TIAM1: variants seen among roughly 807,000 people sequenced by gnomAD.
TIAM1 encodes rho guanine nucleotide exchange factor TIAM1.
A neutral mutation model predicts 163.5 loss-of-function variants in TIAM1; 65 were observed. The ratio of observed to expected loss-of-function variants is 0.40; its 90% CI spans 0.33 to 0.49. The LOEUF (loss-of-function observed/expected upper bound fraction) is 0.49. Among genes scored for constraint, TIAM1 ranks in the 20% least tolerant of loss-of-function variants. TIAM1 has a pLI of 0.77. For missense variants in TIAM1, 1,789 were observed against 2,044.7 expected (o/e 0.87, Z 2.41); for synonymous variants, 833 against 810.1 (o/e 1.03, Z -0.48).
intron 4 of TIAM1, among the ~76,000 whole-genome samples, chr21:31,252,999 C>G (rs1449754198): frequency 6.6e-6 from 1 of 152,246 alleles, no homozygotes; most frequent in Non-Finnish European, 1.5e-5. Context: ...GGTATCAGTT[C>G]CCAGTTTAAA....
At chr21:31,361,824 TGAGG>T (rs963740016) in intron 2 of TIAM1, among the ~76,000 whole-genome samples, 2 of 142,120 alleles carry the variant, frequency 1.4e-5, no homozygotes, top group African/African-American at 5.3e-5. Flanking sequence ...TAGATTCCTT[TGAGG>T]AAGAAAGATT....
At chr21:31,400,588 A>G (rs2147217411) in intron 2 of TIAM1, among the ~76,000 whole-genome samples, 1 of 152,320 alleles carries the variant, frequency 6.6e-6, no homozygotes, top group Non-Finnish European at 1.5e-5. Flanking sequence ...AATCCTCTCA[A>G]CGACATGATG....
chr21:31,408,400 T>C (rs2077286402), intron 2 of TIAM1, among the ~76,000 whole-genome samples: 1 of 152,156 alleles, frequency 6.6e-6, no homozygotes, highest in Non-Finnish European at 1.5e-5. Flanking sequence ...GCCCTTGAAT[T>C]CTCTTCTTTT....
intron 2 of TIAM1, among the ~76,000 whole-genome samples, chr21:31,463,807 G>A (rs1274824030): frequency 2.6e-5 from 3 of 117,544 alleles, no homozygotes; most frequent in African/African-American, 1.1e-4. Context: ...CTAAGGCTCC[G>A]TCTCCAAAAA....
At chr21:31,185,592 T>C (rs1488245018) in intron 14 of TIAM1, among the ~76,000 whole-genome samples, 2 of 144,178 alleles carry the variant, frequency 1.4e-5, no homozygotes, top group African/African-American at 5.1e-5. Context: ...TAATATATTA[T>C]ATATCATATA....
intron 20 of TIAM1, among the ~76,000 whole-genome samples, chr21:31,143,156 A>G (rs1025221034): frequency 6.6e-6 from 1 of 151,948 alleles, no homozygotes; most frequent in Non-Finnish European, 1.5e-5. Flanking sequence ...TCGCCCAGTC[A>G]CCTCTCCATT....
chr21:31,320,464 T>A (rs1569215170), intron 2 of TIAM1, among the ~76,000 whole-genome samples: 1 of 152,122 alleles, frequency 6.6e-6, no homozygotes, highest in African/African-American at 2.4e-5. Flanking sequence ...TGCAAAAAAT[T>A]CACTTTACAC....
chr21:31,135,059 A>G (rs916074586), intron 23 of TIAM1, among the ~76,000 whole-genome samples: 4 of 152,234 alleles, frequency 2.6e-5, no homozygotes. Context: ...CAAGCCCACA[A>G]AAATAATATA....
intron 12 of TIAM1, among the ~76,000 whole-genome samples, chr21:31,196,478 AT>A (rs59358430): frequency 0.015 from 1,939 of 132,796 alleles, 12 homozygotes; most frequent in Non-Finnish European, 0.019. Context: ...CATCTGGCTA[AT>A]TTTTTTTTTT....
chr21:31,491,518 C>T (rs1189009291), intron 1 of TIAM1, among the ~76,000 whole-genome samples: 1 of 152,200 alleles, frequency 6.6e-6, no homozygotes, highest in African/African-American at 2.4e-5. Context: ...TTCACGATGA[C>T]TTCCTGTCGG....
chr21:31,266,829 G>C lies in TIAM1; in HGVS notation c.144C>G (p.Ile48Met). Residue 48 changes from isoleucine (I) to methionine (M), a missense_variant, in exon 4 of 28, where the codon ATC becomes ATG. By Grantham distance (10) the Ile-to-Met change is conservative. Coordinates refer to ENST00000541036, the MANE Select transcript of TIAM1 (RefSeq NM_001353694.2). The part of the protein sequence containing the change: ...RTRHASSGKV[I>M]HRNSEVSTRS... ...GGGTGCTCACTTCGGAGTTCCTGTG[G>C]ATCACCTTCCCCGAGGAAGCGTGCC... is the stretch of plus-strand genomic sequence containing the variant. 2 of 1,614,186 alleles carry C rather than the reference G, an allele frequency of 1.2e-6. No homozygotes were observed. The highest frequency in any genetic ancestry group is 1.7e-6 in the Non-Finnish European group (2 of 1,180,038).
At chr21:31,468,644 C>G (rs768394128) in intron 1 of TIAM1, among the ~76,000 whole-genome samples, 2 of 150,406 alleles carry the variant, frequency 1.3e-5, no homozygotes, top group African/African-American at 4.9e-5. Flanking sequence ...GGCGTGGTGT[C>G]GGGTGCCTGT....
chr21:31,247,147 T>C (rs2071544851), intron 5 of TIAM1, among the ~76,000 whole-genome samples: 1 of 151,820 alleles, frequency 6.6e-6, no homozygotes, highest in Non-Finnish European at 1.5e-5. Context: ...TAGCGAGGCC[T>C]CGTCTCTACT....
chr21:31,502,347 C>T (rs13051950), intron 1 of TIAM1, among the ~76,000 whole-genome samples: 5,319 of 152,228 alleles, frequency 0.035, 129 homozygotes, highest in Non-Finnish European at 0.051. Flanking sequence ...TCTAGGCTCA[C>T]GGCAGCCTCG....
chr21:31,384,892 C>T (rs151289669), intron 2 of TIAM1, among the ~76,000 whole-genome samples: 112 of 152,278 alleles, frequency 7.4e-4, no homozygotes, highest in African/African-American at 2.7e-3. Context: ...AAGCCCATGA[C>T]ATCAGGACTA....
At chr21:31,221,770 T>C (rs777223117) in intron 8 of TIAM1, among the ~76,000 whole-genome samples, 16 of 152,158 alleles carry the variant, frequency 1.1e-4, no homozygotes, top group Non-Finnish European at 2.1e-4. Flanking sequence ...CCTCAATGGA[T>C]GATATTCTGA....
At chr21:31,370,879 C>A (rs1267407642) in intron 2 of TIAM1, among the ~76,000 whole-genome samples, 3 of 152,186 alleles carry the variant, frequency 2.0e-5, no homozygotes, top group Non-Finnish European at 2.9e-5. Flanking sequence ...TAGGCTATAG[C>A]AACAAGCCCC....
chr21:31,480,528 T>C (rs1377703189), intron 1 of TIAM1, among the ~76,000 whole-genome samples: 1 of 152,152 alleles, frequency 6.6e-6, no homozygotes, highest in Non-Finnish European at 1.5e-5. Context: ...GACAGAAGAC[T>C]AGAAATAGCA....
intron 19 of TIAM1, among the ~76,000 whole-genome samples, chr21:31,147,586 C>G (rs2083181235): frequency 6.6e-6 from 1 of 150,802 alleles, no homozygotes; most frequent in Admixed American, 6.6e-5. Context: ...GAGGCCTTCT[C>G]ATTAAGATTT....
Sources: gnomAD v4.1 joint callset for allele counts (sites outside exome capture counted in the v4.1 genomes callset) on GRCh38, gnomAD v4.1.1 for gene constraint, MANE v1.5 for transcripts, NCBI Gene and HGNC (gene_info 2026-07-23, HGNC 2026-07-21) for gene names.